RGS6: variants seen among roughly 807,000 people sequenced by gnomAD.
The protein encoded by RGS6 is regulator of G protein signaling 6, also known as regulator of G-protein signaling 6.
Under a neutral mutation model 78.5 loss-of-function variants are expected in RGS6, and 30 were observed. That is an observed-to-expected ratio of 0.38 (90% CI 0.29 to 0.52). The LOEUF is 0.52. RGS6 is among the 20% of genes least tolerant of loss of function. The probability of loss-of-function intolerance (pLI) is 0.85; values close to 1 mark genes in which losing one functional copy is unlikely to be tolerated. For missense variants in RGS6, 495 were observed against 609.7 expected, an observed-to-expected ratio of 0.81 and a Z score of 1.98; for synonymous variants, 206 against 206.0, an observed-to-expected ratio of 1.00 and a Z score of 0.00.
At chr14:72,491,836 A>T (rs993828969) in intron 12 of RGS6, among the ~76,000 whole-genome samples, 52 of 152,212 alleles carry the variant, frequency 3.4e-4, no homozygotes, top group African/African-American at 1.2e-3. Flanking sequence ...CATGGAAAGC[A>T]GGAATGAGGC....
intron 1 of RGS6, among the ~76,000 whole-genome samples, chr14:71,948,663 A>G (rs776055022): frequency 6.7e-6 from 1 of 148,782 alleles, no homozygotes; most frequent in East Asian, 2.0e-4. Flanking sequence ...AAACCACCTC[A>G]TGGGCCCTCC....
intron 2 of RGS6, among the ~76,000 whole-genome samples, chr14:72,292,688 T>C (rs1330142798): frequency 6.6e-6 from 1 of 152,236 alleles, no homozygotes; most frequent in Non-Finnish European, 1.5e-5. Flanking sequence ...CCCAAAGTTT[T>C]CTTCACATAA....
chr14:72,265,487 T>A (rs2058884303), intron 2 of RGS6, among the ~76,000 whole-genome samples: 1 of 152,056 alleles, frequency 6.6e-6, no homozygotes, highest in Non-Finnish European at 1.5e-5. Flanking sequence ...AGGGTTGTCG[T>A]GTTTGTCTGT....
chr14:72,415,206 C>T (rs939538003), intron 3 of RGS6, among the ~76,000 whole-genome samples: 4 of 152,246 alleles, frequency 2.6e-5, no homozygotes, highest in Non-Finnish European at 5.9e-5. Context: ...AGCTTCCTGG[C>T]CACTTTGTTT....
At chr14:72,337,054 C>G (rs759271751) in intron 2 of RGS6, among the ~76,000 whole-genome samples, 5 of 152,126 alleles carry the variant, frequency 3.3e-5, no homozygotes, top group Non-Finnish European at 7.3e-5. Context: ...ACTTCAATGT[C>G]TCGATTTGGA....
intron 2 of RGS6, among the ~76,000 whole-genome samples, chr14:72,035,140 C>G (rs11622026): frequency 0.13 from 19,856 of 152,004 alleles, 1,355 homozygotes; most frequent in East Asian, 0.17. Flanking sequence ...CATTCACTGG[C>G]GGCCTTGGAA....
At chr14:71,954,089 G>A (rs905147098) in intron 1 of RGS6, among the ~76,000 whole-genome samples, 1 of 141,692 alleles carries the variant, frequency 7.1e-6, no homozygotes, top group Non-Finnish European at 1.5e-5. Context: ...CTTCTTTTAA[G>A]ATTTCCTCTT....
intron 2 of RGS6, among the ~76,000 whole-genome samples, chr14:72,101,209 C>T (rs2095520838): frequency 6.6e-6 from 1 of 152,192 alleles, no homozygotes; most frequent in Non-Finnish European, 1.5e-5. Context: ...TTTGTGTCCA[C>T]AGATATTCTA....
At chr14:72,053,923 A>G (rs2153421030) in intron 2 of RGS6, among the ~76,000 whole-genome samples, 1 of 152,388 alleles carries the variant, frequency 6.6e-6, no homozygotes, top group East Asian at 1.9e-4. Context: ...AAAAGTTTCT[A>G]GTGGAAAAGA....
rs745409035 is a variant in RGS6, at chr14:72,052,985, C to CTTTTCTTTCTT, written c.84+88111_84+88112insTTTCTTTCTTT. ...TCTTTCTTTCTTTCTTTCTTTCTTT[C>CTTTTCTTTCTT]TCTCTCTCTCTCTCTCTCTCTTTCT... On this transcript the variant is annotated intron_variant, in intron 2 of 17. Coordinates refer to ENST00000553525, the MANE Select transcript of RGS6 (RefSeq NM_001204424.2). Among the ~76,000 whole-genome samples the CTTTTCTTTCTT allele has an allele frequency of 5.6e-5, 3 of 53,324 alleles. No homozygotes were observed. The Admixed American group carries it at 6.8e-4, about 12-fold the overall frequency. The allele number at this position is 53,324 out of a possible 152,430, so 35.0% of individuals were successfully genotyped here. A position where few individuals can be genotyped will look rare whatever the true frequency, so the allele number is the denominator to read the frequency against.
intron 2 of RGS6, among the ~76,000 whole-genome samples, chr14:72,187,321 T>A (rs1240343949): frequency 6.6e-6 from 1 of 152,230 alleles, no homozygotes; most frequent in African/African-American, 2.4e-5. Context: ...GATGACATTT[T>A]TTTCAAAGAT....
intron 3 of RGS6, among the ~76,000 whole-genome samples, chr14:72,365,411 A>C (rs1025972060): frequency 6.6e-6 from 1 of 152,218 alleles, no homozygotes. Context: ...ATACACAAAG[A>C]TCAGAGTTGA....
intron 2 of RGS6, among the ~76,000 whole-genome samples, chr14:72,337,174 T>G (rs2239244): frequency 0.36 from 54,527 of 151,332 alleles, 10,375 homozygotes; most frequent in African/African-American, 0.48. Context: ...TAGGAAAGTT[T>G]CCCATGAGAC....
intron 3 of RGS6, among the ~76,000 whole-genome samples, chr14:72,446,601 A>G (rs1217560939): frequency 6.6e-6 from 1 of 152,210 alleles, no homozygotes; most frequent in Non-Finnish European, 1.5e-5. Context: ...TGGTTTCAGG[A>G]TGATTCAAGT....
At chr14:72,023,963 C>A (rs557543878) in intron 2 of RGS6, among the ~76,000 whole-genome samples, 14 of 152,282 alleles carry the variant, frequency 9.2e-5, no homozygotes, top group African/African-American at 3.1e-4. Flanking sequence ...GGGGAGAAAG[C>A]CATGTATACC....
intron 13 of RGS6, among the ~76,000 whole-genome samples, chr14:72,504,716 T>TCTCCC (rs983588007): frequency 3.3e-5 from 5 of 149,754 alleles, no homozygotes; most frequent in Non-Finnish European, 7.4e-5. Flanking sequence ...TCTCCCCTCC[T>TCTCCC]CTCCCCTCCC....
intron 2 of RGS6, among the ~76,000 whole-genome samples, chr14:72,061,275 T>A (rs1295275715): frequency 6.6e-6 from 1 of 152,232 alleles, no homozygotes; most frequent in Non-Finnish European, 1.5e-5. Flanking sequence ...ACTAGACATA[T>A]ATCTTCAGCA....
intron 2 of RGS6, among the ~76,000 whole-genome samples, chr14:72,060,978 T>C (rs192142748): frequency 6.6e-6 from 1 of 152,228 alleles, no homozygotes; most frequent in Admixed American, 6.5e-5. Context: ...ATGGAGAAGT[T>C]ATTATTCAAG....
chr14:72,407,598 G>A (rs1481085103), intron 3 of RGS6, among the ~76,000 whole-genome samples: 1 of 152,202 alleles, frequency 6.6e-6, no homozygotes, highest in African/African-American at 2.4e-5. Flanking sequence ...TCCCCTCAAG[G>A]TCCGTGTTAT....
Sources: gnomAD v4.1 joint callset for allele counts (sites outside exome capture counted in the v4.1 genomes callset) on GRCh38, gnomAD v4.1.1 for gene constraint, MANE v1.5 for transcripts, NCBI Gene and HGNC (gene_info 2026-07-23, HGNC 2026-07-21) for gene names.